MEF2D: variants seen among roughly 807,000 people sequenced by gnomAD.
MEF2D encodes the protein myocyte enhancer factor 2D.
Under a neutral mutation model 59.3 loss-of-function variants are expected in MEF2D, and 10 were observed. The observed-to-expected ratio is 0.17, with a 90% confidence interval of 0.10 to 0.29. The LOEUF is 0.29. MEF2D is among the 10% of genes least tolerant of loss of function. The pLI, the probability that MEF2D is intolerant of heterozygous loss-of-function variation, is 1.00. For synonymous variants in MEF2D, 305 were observed against 295.0 expected (o/e 1.03, Z -0.35); for missense variants, 508 against 699.4 (o/e 0.73, Z 3.09).
chr1:156,491,699 G>C (rs549580564), intron 1 of MEF2D, among the ~76,000 whole-genome samples: 1 of 152,208 alleles, frequency 6.6e-6, no homozygotes, highest in African/African-American at 2.4e-5. Flanking sequence ...TTTGGTCCCT[G>C]GTGGGACCAG....
chr1:156,490,454 G>A (rs1672717558), intron 1 of MEF2D: 2 of 152,302 alleles, frequency 1.3e-5, no homozygotes, highest in Non-Finnish European at 2.9e-5. Context: ...CAGTCCAGCA[G>A]CCTCAGGGCT....
intron 4 of MEF2D, 120 bp from the exon 5 acceptor site, chr1:156,479,916 C>CA: frequency 1.1e-6 from 1 of 944,580 alleles, no homozygotes; most frequent in Non-Finnish European, 1.6e-6. Flanking sequence ...CTAGGGCCAG[C>CA]AGTTCAAGCT....
In MEF2D at chr1:156,478,757, C is replaced by T. The variant is rs182839812; in HGVS notation, c.664+533G>A. Among the ~76,000 whole-genome samples, 490 of 152,164 alleles carry T rather than the reference C, an allele frequency of 3.2e-3. 4 individuals carry two copies. Among genetic ancestry groups the T allele is most frequent in the Middle Eastern group, 6.8e-3 (2 of 292 alleles). On this transcript the variant is annotated intron_variant, in intron 6 of 11. Transcript: ENST00000348159. ...GTTTGTCAGGCTGGTCTCAAACTCC[C>T]GACCTCAGGTGATCCGCCCATCTCA...
chr1:156,472,715 ATT>A (rs569939196), intron 9 of MEF2D, among the ~76,000 whole-genome samples: 1 of 134,798 alleles, frequency 7.4e-6, no homozygotes, highest in Non-Finnish European at 1.6e-5. Flanking sequence ...CGCCCGGCTA[ATT>A]TTTTTTTTTT....
rs1240447382 is a variant in MEF2D, at chr1:156,468,697, G to A, written c.1247+83C>T. On this transcript the variant is annotated intron_variant, in intron 10 of 11. Transcript: ENST00000348159. The surrounding 1 kb of genome is among the most constrained non-coding windows in gnomAD (Gnocchi z 4.3). ...AGGATGTCCACTAGAACCCTGCAGG[G>A]AACCCAGCTCCCAAGAGGTCCCTCC... The A allele has an allele frequency of 1.1e-5, 17 of 1,552,796 alleles. No individual in the cohort carries two copies. The highest frequency in any genetic ancestry group is 1.4e-5 in the Non-Finnish European group (16 of 1,145,224).
At chr1:156,479,441 G>T (rs1340169756) in intron 5 of MEF2D, 95 bp from the exon 6 acceptor site, 2 of 1,495,216 alleles carry the variant, frequency 1.3e-6, no homozygotes, top group Non-Finnish European at 1.8e-6. Context: ...CCAGGAGGAA[G>T]AGTCATACTC....
At chr1:156,471,867 G>C (rs1671253254) in intron 9 of MEF2D, among the ~76,000 whole-genome samples, 1 of 152,218 alleles carries the variant, frequency 6.6e-6, no homozygotes, top group African/African-American at 2.4e-5. Flanking sequence ...AGCTGCTCCT[G>C]TAACAAGAGG....
At chr1:156,495,800 C>T (rs936888321) in intron 1 of MEF2D, among the ~76,000 whole-genome samples, 5 of 142,234 alleles carry the variant, frequency 3.5e-5, no homozygotes, top group African/African-American at 1.4e-4. Context: ...ATGGTTTCCT[C>T]GTCTGCTCAG....
chr1:156,491,415 G>A (rs1672783546), intron 1 of MEF2D, among the ~76,000 whole-genome samples: 1 of 152,192 alleles, frequency 6.6e-6, no homozygotes, highest in Non-Finnish European at 1.5e-5. Context: ...GCCTGGCTGG[G>A]TCTGTCATCC....
intron 1 of MEF2D, among the ~76,000 whole-genome samples, chr1:156,492,535 C>A (rs1363004941): frequency 1.3e-5 from 2 of 152,222 alleles, no homozygotes; most frequent in Non-Finnish European, 2.9e-5. Flanking sequence ...CCCATATCTT[C>A]TGAAACAATG....
chr1:156,471,035 C>T (rs1234279525), intron 9 of MEF2D, among the ~76,000 whole-genome samples: 4 of 152,126 alleles, frequency 2.6e-5, no homozygotes, highest in East Asian at 1.9e-4. Context: ...AGGGCAGAAA[C>T]GGGCCCTAGG....
chr1:156,479,267 G>T (rs536972357), intron 6 of MEF2D, 23 bp downstream of exon 6: 75 of 1,598,584 alleles, frequency 4.7e-5, no homozygotes, highest in Non-Finnish European at 5.7e-5. Flanking sequence ...CCCACCTCCA[G>T]GTAGAAGGAT....
At chr1:156,470,917 C>A (rs1411733433) in intron 9 of MEF2D, among the ~76,000 whole-genome samples, 2 of 152,146 alleles carry the variant, frequency 1.3e-5, no homozygotes, top group Non-Finnish European at 2.9e-5. Context: ...TAAGACAGGA[C>A]CCCAGGACTC....
At chr1:156,484,002 T>TG (rs1672184561) in intron 1 of MEF2D, 1 of 152,352 alleles carries the variant, frequency 6.6e-6, no homozygotes. Context: ...TAGTGGGGCT[T>TG]GGGGTTGTAG....
chr1:156,476,638 A>T (rs1005926793), intron 7 of MEF2D, 124 bp from the exon 8 acceptor site: 12 of 1,180,774 alleles, frequency 1.0e-5, no homozygotes, highest in Non-Finnish European at 1.4e-5. Context: ...TACCCAGCCT[A>T]CAAAGGCAGA....
chr1:156,500,171 T>TCGTAAA (rs1464147148), intron 1 of MEF2D, among the ~76,000 whole-genome samples: 3 of 151,660 alleles, frequency 2.0e-5, no homozygotes, highest in South Asian at 2.1e-4. Context: ...TCGGAGGCCG[T>TCGTAAA]CGTAAACCCC....
At chr1:156,497,461 G>T (rs1673196389) in intron 1 of MEF2D, among the ~76,000 whole-genome samples, 1 of 152,230 alleles carries the variant, frequency 6.6e-6, no homozygotes, top group African/African-American at 2.4e-5. Flanking sequence ...ATGAGACTCA[G>T]AACCTGACCC....
chr1:156,479,287 C>T lies in MEF2D; in HGVS notation c.664+3G>A. The T allele has an allele frequency of 6.2e-7, 1 of 1,611,058 alleles. No homozygotes were observed. The highest frequency in any genetic ancestry group is 8.5e-7 in the Non-Finnish European group (1 of 1,178,758). ...CTCCAGGTAGAAGGATGACTGCACT[C>T]ACCAACAGGGCTGGGGCAGGCTCCG... On this transcript the variant is annotated splice_donor_region_variant and intron_variant, in intron 6 of 11. Coordinates refer to ENST00000348159, the MANE Select transcript of MEF2D (RefSeq NM_005920.4).
chr1:156,487,703 C>A (rs1672461792), intron 1 of MEF2D, among the ~76,000 whole-genome samples: 1 of 152,208 alleles, frequency 6.6e-6, no homozygotes, highest in Admixed American at 6.5e-5. Context: ...TTAATGAACA[C>A]CTGGACCTCC....
Sources: gnomAD v4.1 joint callset for allele counts (sites outside exome capture counted in the v4.1 genomes callset) on GRCh38, gnomAD v4.1.1 for gene constraint, Gnocchi (gnomAD v3.1) non-coding constraint, MANE v1.5 for transcripts, NCBI Gene and HGNC (gene_info 2026-07-23, HGNC 2026-07-21) for gene names.